RARB: variants seen among roughly 807,000 people sequenced by gnomAD.
The protein encoded by RARB is retinoic acid receptor beta, also known as HBV-activated protein.
In RARB, 17 loss-of-function variants were observed where a neutral mutation model predicts 51.9. The ratio of observed to expected loss-of-function variants is 0.33; its 90% CI spans 0.22 to 0.49. The LOEUF is 0.49. RARB is among the 20% of genes least tolerant of loss of function. RARB has a pLI of 0.99. For missense variants in RARB, 369 were observed against 550.8 expected (o/e 0.67, Z 3.30); for synonymous variants, 215 against 195.4 (o/e 1.10, Z -0.84).
chr3:25,102,549 T>A (rs1699424046), intron 3 of RARB, among the ~76,000 whole-genome samples: 1 of 151,492 alleles, frequency 6.6e-6, no homozygotes, highest in East Asian at 2.0e-4. Flanking sequence ...CAAAAAAAAA[T>A]GAAAATAGAA....
chr3:25,156,334 G>C (rs952199237), intron 4 of RARB, among the ~76,000 whole-genome samples: 1 of 152,066 alleles, frequency 6.6e-6, no homozygotes, highest in Non-Finnish European at 1.5e-5. Context: ...TGTGCTAATA[G>C]TTGTGGAATC....
chr3:25,214,365 A>G (rs1701769634), intron 5 of RARB, among the ~76,000 whole-genome samples: 1 of 152,242 alleles, frequency 6.6e-6, no homozygotes, highest in Non-Finnish European at 1.5e-5. Flanking sequence ...CTAGGAGCAC[A>G]TTTCTAACTT....
intron 3 of RARB, among the ~76,000 whole-genome samples, chr3:25,555,939 G>A (rs1017575662): frequency 6.6e-6 from 1 of 152,128 alleles, no homozygotes; most frequent in East Asian, 1.9e-4. Flanking sequence ...GGAAAAGGAA[G>A]GGCAAAGGGA....
At chr3:24,894,897 A>G (rs902744643) in intron 2 of RARB, among the ~76,000 whole-genome samples, 8 of 152,192 alleles carry the variant, frequency 5.3e-5, no homozygotes, top group Non-Finnish European at 8.8e-5. Context: ...AGCTAAATAT[A>G]TGGGTTAAAA....
intron 2 of RARB, among the ~76,000 whole-genome samples, chr3:25,038,778 G>A (rs1008351745): frequency 6.6e-6 from 1 of 152,106 alleles, no homozygotes; most frequent in Non-Finnish European, 1.5e-5. Flanking sequence ...AAGAGTGATC[G>A]ATACATTACT....
At chr3:25,107,931 A>G (rs571800756) in intron 3 of RARB, among the ~76,000 whole-genome samples, 2 of 152,290 alleles carry the variant, frequency 1.3e-5, no homozygotes, top group South Asian at 4.1e-4. Flanking sequence ...AGCACTTTAT[A>G]GCTTCTCTGT....
intron 2 of RARB, among the ~76,000 whole-genome samples, chr3:24,889,525 A>G (rs116342606): frequency 1.3e-5 from 2 of 152,172 alleles, no homozygotes; most frequent in Non-Finnish European, 2.9e-5. Flanking sequence ...TGATGAAATT[A>G]TATGGTACAC....
intron 1 of RARB, among the ~76,000 whole-genome samples, chr3:25,451,518 C>T (rs1709194551): frequency 6.6e-6 from 1 of 152,166 alleles, no homozygotes; most frequent in Non-Finnish European, 1.5e-5. Context: ...TGGTGCATAC[C>T]TGTAAGAAAC....
chr3:25,540,301 G>A (rs1699322613), intron 3 of RARB, among the ~76,000 whole-genome samples: 1 of 152,190 alleles, frequency 6.6e-6, no homozygotes, highest in African/African-American at 2.4e-5. Context: ...CTTAGTGGAA[G>A]GAAAGCGGTT....
At chr3:25,382,725 G>A (rs1420592682) in intron 5 of RARB, among the ~76,000 whole-genome samples, 2 of 152,144 alleles carry the variant, frequency 1.3e-5, no homozygotes, top group East Asian at 1.9e-4. Context: ...GGGTGTGGCG[G>A]TGTGCACCTG....
At chr3:25,178,730 C>T (rs1700805135) in intron 5 of RARB, among the ~76,000 whole-genome samples, 1 of 152,192 alleles carries the variant, frequency 6.6e-6, no homozygotes, top group South Asian at 2.1e-4. Flanking sequence ...GTTTTCGTCA[C>T]AATGGAGACT....
intron 2 of RARB, among the ~76,000 whole-genome samples, chr3:24,862,785 A>G (rs754438150): frequency 1.3e-5 from 2 of 152,224 alleles, no homozygotes; most frequent in Non-Finnish European, 2.9e-5. Flanking sequence ...TTTATATTAT[A>G]CTGTACTGTA....
chr3:25,327,488 A>C (rs1704760284), intron 5 of RARB, among the ~76,000 whole-genome samples: 1 of 152,234 alleles, frequency 6.6e-6, no homozygotes, highest in African/African-American at 2.4e-5. Context: ...TATAATTCTG[A>C]GAGAAAATGA....
intron 3 of RARB, among the ~76,000 whole-genome samples, chr3:25,062,560 T>C (rs1176892059): frequency 6.6e-6 from 1 of 151,998 alleles, no homozygotes; most frequent in East Asian, 1.9e-4. Flanking sequence ...CAAAGCCTGC[T>C]TAAATCATGA....
chr3:25,080,834 T>C (rs1167819893), intron 3 of RARB, among the ~76,000 whole-genome samples: 1 of 152,166 alleles, frequency 6.6e-6, no homozygotes, highest in African/African-American at 2.4e-5. Context: ...AATTTTTTTC[T>C]ACTTTTAAGG....
intron 5 of RARB, among the ~76,000 whole-genome samples, chr3:25,263,265 T>C (rs1703050610): frequency 6.6e-6 from 1 of 152,214 alleles, no homozygotes; most frequent in South Asian, 2.1e-4. Flanking sequence ...TACCTTCATG[T>C]GTTAATTCAT....
chr3:25,580,499 A>G, intron 4 of RARB, 47 bp from the exon 5 acceptor site: 1 of 1,480,148 alleles, frequency 6.8e-7, no homozygotes, highest in Non-Finnish European at 9.2e-7. Flanking sequence ...CCCCTCCTAT[A>G]GAGCTTCCCG....
At chr3:24,987,052 A>C (rs527822594) in intron 2 of RARB, among the ~76,000 whole-genome samples, 1 of 152,308 alleles carries the variant, frequency 6.6e-6, no homozygotes, top group Non-Finnish European at 1.5e-5. Context: ...CTCAAAAAAC[A>C]ATCTAATTTA....
At chr3:25,069,350 T>C (rs190732427) in intron 3 of RARB, among the ~76,000 whole-genome samples, 272 of 152,338 alleles carry the variant, frequency 1.8e-3, no homozygotes, top group Non-Finnish European at 3.0e-3. Context: ...TTCCCTCCTA[T>C]CACTCAGTTC....
Sources: gnomAD v4.1 joint callset for allele counts (sites outside exome capture counted in the v4.1 genomes callset) on GRCh38, gnomAD v4.1.1 for gene constraint, MANE v1.5 for transcripts, NCBI Gene and HGNC (gene_info 2026-07-23, HGNC 2026-07-21) for gene names.